The following STOX1 variants were observed in gnomAD, a reference collection of about 807,000 sequenced individuals.
STOX1 encodes the protein storkhead-box protein 1.
In STOX1, 57 loss-of-function variants were observed where a neutral mutation model predicts 74.8. The ratio of observed to expected loss-of-function variants is 0.76; its 90% CI spans 0.62 to 0.95. The LOEUF (loss-of-function observed/expected upper bound fraction) is 0.95, where lower values mean the gene tolerates loss of function less well. Ranked by LOEUF, STOX1 falls within the 40% of genes least tolerant of loss-of-function variation. The pLI, the probability that STOX1 is intolerant of heterozygous loss-of-function variation, is 0.00. For synonymous variants in STOX1, 375 were observed against 401.3 expected (o/e 0.93, Z 0.78); for missense variants, 1,010 against 1,117.0 (o/e 0.90, Z 1.37).
chr10:68,854,945 A>G (rs1303141993), intron 1 of STOX1, among the ~76,000 whole-genome samples: 1 of 151,978 alleles, frequency 6.6e-6, no homozygotes, highest in Non-Finnish European at 1.5e-5. Flanking sequence ...TCTACAAAAA[A>G]TTTTAAAATT....
intron 1 of STOX1, among the ~76,000 whole-genome samples, chr10:68,832,480 C>T (rs548145615): frequency 6.6e-6 from 1 of 152,042 alleles, no homozygotes; most frequent in Non-Finnish European, 1.5e-5. Context: ...TGAGACCAGC[C>T]TGGCCAATGT....
At chr10:68,888,060 AAC>A (rs61005053) in intron 3 of STOX1, among the ~76,000 whole-genome samples, 10,529 of 151,842 alleles carry the variant, frequency 0.069, 1,177 homozygotes, top group African/African-American at 0.23. Flanking sequence ...TACTTATTCT[AAC>A]ACACACACAC....
At chr10:68,872,728 T>A (rs183862677) in intron 1 of STOX1, among the ~76,000 whole-genome samples, 1 of 152,308 alleles carries the variant, frequency 6.6e-6, no homozygotes, top group East Asian at 1.9e-4. Flanking sequence ...ATGTGGGTGC[T>A]TTTTGAATTC....
intron 1 of STOX1, among the ~76,000 whole-genome samples, chr10:68,848,010 C>T (rs996091199): frequency 2.6e-5 from 4 of 152,172 alleles, no homozygotes; most frequent in East Asian, 1.9e-4. Flanking sequence ...GGATTACAGG[C>T]GTGAGCCACT....
chr10:68,829,766 A>G (rs924108094), intron 1 of STOX1, among the ~76,000 whole-genome samples: 5 of 152,050 alleles, frequency 3.3e-5, no homozygotes, highest in African/African-American at 1.2e-4. Context: ...TTGCAAAACC[A>G]CATATACACA....
At chr10:68,831,698 G>A (rs1000787966) in intron 1 of STOX1, among the ~76,000 whole-genome samples, 18 of 152,132 alleles carry the variant, frequency 1.2e-4, no homozygotes, top group African/African-American at 4.3e-4. Flanking sequence ...TGGAGCCCCA[G>A]TTGTAGACCT....
Position 68,839,140 on chromosome 10 carries a change from C to G in STOX1, c.310+11207C>G, listed in dbSNP as rs532073394. Among the ~76,000 whole-genome samples, 93 of 152,260 alleles carry G rather than the reference C, an allele frequency of 6.1e-4. 1 individual carries two copies. The South Asian group carries it at 7.5e-3, about 12-fold the overall frequency. On this transcript the variant is annotated intron_variant, in intron 1 of 3. Coordinates refer to ENST00000298596, the MANE Select transcript of STOX1 (RefSeq NM_152709.5). ...GCTACAGATTCAATGCAATCCCTATCAAAATCCCAACAGCTTTTTTATGCA... is the reference window on the plus strand; with the variant it reads ...GCTACAGATTCAATGCAATCCCTATGAAAATCCCAACAGCTTTTTTATGCA...
chr10:68,869,863 G>A (rs1306325552), intron 1 of STOX1, among the ~76,000 whole-genome samples: 1 of 152,172 alleles, frequency 6.6e-6, no homozygotes, highest in Non-Finnish European at 1.5e-5. Flanking sequence ...TGGAATGAAT[G>A]TTCCACAGAA....
Position 68,886,262 on chromosome 10 carries a change from T to A in STOX1, c.2466T>A (p.Cys822Ter), listed in dbSNP as rs1465687956. ...SQEPNLSAES[C>*]GLNSGAQFGF... ...AACCTAACCTCTCTGCTGAAAGTTG[T>A]GGCCTAAATTCAGGGGCCCAGTTTG... is the stretch of plus-strand genomic sequence containing the variant. Residue 822 changes from cysteine to a stop codon, truncating the protein, a stop_gained, in exon 3 of 4, where the codon TGT (cysteine) becomes TGA (stop). Coordinates refer to ENST00000298596, the MANE Select transcript of STOX1 (RefSeq NM_152709.5). LOFTEE classifies it high-confidence loss of function. 1 of 1,614,230 alleles carries A rather than the reference T, an allele frequency of 6.2e-7. No homozygotes were observed. Among genetic ancestry groups the A allele is most frequent in the Admixed American group, 1.7e-5 (1 of 60,026 alleles).
intron 1 of STOX1, among the ~76,000 whole-genome samples, chr10:68,865,119 C>T (rs1840369720): frequency 6.8e-6 from 1 of 146,012 alleles, no homozygotes; most frequent in Admixed American, 6.7e-5. Context: ...GAATATCATC[C>T]ATATAATGAA....
rs568298532 is a variant in STOX1, at chr10:68,849,950, G to A, written c.310+22017G>A. On this transcript the variant is annotated intron_variant, in intron 1 of 3. Coordinates refer to ENST00000298596, the MANE Select transcript of STOX1 (RefSeq NM_152709.5). ...ATGGTAATTGTGGGTCATGTAAAAT[G>A]GCCAGTACCTGGAAAGCAATAGCAT... Among the ~76,000 whole-genome samples, 8 of 152,242 alleles carry A rather than the reference G, an allele frequency of 5.3e-5. No homozygotes were observed. The South Asian group carries it at 1.7e-3, about 32-fold the overall frequency.
chr10:68,863,258 C>G (rs1335900049), intron 1 of STOX1, among the ~76,000 whole-genome samples: 1 of 152,112 alleles, frequency 6.6e-6, no homozygotes, highest in Non-Finnish European at 1.5e-5. Context: ...GAATTGTTCT[C>G]TGTGTCAGCC....
At chr10:68,829,767 C>T (rs1302081667) in intron 1 of STOX1, among the ~76,000 whole-genome samples, 1 of 152,060 alleles carries the variant, frequency 6.6e-6, no homozygotes, top group Non-Finnish European at 1.5e-5. Flanking sequence ...TGCAAAACCA[C>T]ATATACACAT....
intron 1 of STOX1, among the ~76,000 whole-genome samples, chr10:68,852,640 G>A (rs1840017695): frequency 6.6e-6 from 1 of 150,904 alleles, no homozygotes; most frequent in Non-Finnish European, 1.5e-5. Flanking sequence ...CTGTAGCGCA[G>A]TCTCACGATC....
intron 1 of STOX1, 54 bp from the exon 2 acceptor site, chr10:68,881,904 T>C: frequency 6.2e-7 from 1 of 1,603,382 alleles, no homozygotes; most frequent in Admixed American, 1.7e-5. Flanking sequence ...AAACATTTTA[T>C]ACTATATCAA....
At chr10:68,871,690 A>T (rs1303954210) in intron 1 of STOX1, among the ~76,000 whole-genome samples, 3 of 152,176 alleles carry the variant, frequency 2.0e-5, no homozygotes, top group Non-Finnish European at 2.9e-5. Flanking sequence ...GCATTCTTTT[A>T]CTTTACTAAA....
At chr10:68,842,372 T>C (rs1435417386) in intron 1 of STOX1, among the ~76,000 whole-genome samples, 1 of 152,164 alleles carries the variant, frequency 6.6e-6, no homozygotes, top group Non-Finnish European at 1.5e-5. Flanking sequence ...AGCTGGCTTT[T>C]AATAGATGAG....
At chr10:68,842,266 C>G (rs1014235285) in intron 1 of STOX1, among the ~76,000 whole-genome samples, 1 of 152,096 alleles carries the variant, frequency 6.6e-6, no homozygotes, top group African/African-American at 2.4e-5. Context: ...TTTCATAGAT[C>G]AGAGGGCTTT....
At chr10:68,854,421 C>G (rs933431206) in intron 1 of STOX1, among the ~76,000 whole-genome samples, 2 of 152,090 alleles carry the variant, frequency 1.3e-5, no homozygotes, top group East Asian at 3.9e-4. Context: ...CTCAGCCTCC[C>G]GAGTAGCTGG....
Sources: gnomAD v4.1 joint callset for allele counts (sites outside exome capture counted in the v4.1 genomes callset) on GRCh38, gnomAD v4.1.1 for gene constraint, MANE v1.5 for transcripts, NCBI Gene and HGNC (gene_info 2026-07-23, HGNC 2026-07-21) for gene names.